Variants in TMIGD3 observed in about 807,000 individuals in gnomAD.
TMIGD3 encodes transmembrane and immunoglobulin domain containing 3.
Under a neutral mutation model 28.1 loss-of-function variants are expected in TMIGD3, and 21 were observed. That is an observed-to-expected ratio of 0.75 (90% CI 0.53 to 1.08). The LOEUF is 1.08. Ranked by LOEUF, TMIGD3 falls within the 50% of genes least tolerant of loss-of-function variation. The pLI, the probability that TMIGD3 is intolerant of heterozygous loss-of-function variation, is 0.00. For missense variants in TMIGD3, 416 were observed against 435.6 expected (o/e 0.96, Z 0.40); for synonymous variants, 151 against 162.1 (o/e 0.93, Z 0.52).
intron 1 of TMIGD3, among the ~76,000 whole-genome samples, chr1:111,532,203 C>G (rs1656480245): frequency 6.6e-6 from 1 of 152,154 alleles, no homozygotes; most frequent in East Asian, 1.9e-4. Flanking sequence ...CTTCAAATCT[C>G]CAAAGCTTTC....
chr1:111,509,410 G>A (rs1441744389), intron 1 of TMIGD3, among the ~76,000 whole-genome samples: 3 of 152,198 alleles, frequency 2.0e-5, no homozygotes, highest in African/African-American at 7.2e-5. Context: ...TGGGTGCTCA[G>A]GCCGGGTGTC....
intron 1 of TMIGD3, among the ~76,000 whole-genome samples, chr1:111,540,097 A>G (rs1404687000): frequency 1.3e-5 from 2 of 152,234 alleles, no homozygotes; most frequent in African/African-American, 4.8e-5. Flanking sequence ...AAATAACTTG[A>G]TTACAATTGC....
chr1:111,520,730 A>G (rs749809431), intron 1 of TMIGD3, among the ~76,000 whole-genome samples: 15 of 152,248 alleles, frequency 9.9e-5, no homozygotes, highest in Non-Finnish European at 1.3e-4. Flanking sequence ...ATGGAGTGGA[A>G]TGGATATGTC....
upstream of TMIGD3, among the ~76,000 whole-genome samples, chr1:111,506,477 G>C (rs575583787): frequency 1.3e-5 from 2 of 152,336 alleles, no homozygotes; most frequent in Admixed American, 6.5e-5. Flanking sequence ...GACTCTGCGG[G>C]GTTAAATAAC....
chr1:111,485,982 A>G (rs775803371), intron 4 of TMIGD3, 142 bp from the exon 5 acceptor site: 1 of 627,520 alleles, frequency 1.6e-6, no homozygotes, highest in Non-Finnish European at 2.8e-6. Flanking sequence ...GTATTCCTTT[A>G]GAGTGACCCT....
intron 1 of TMIGD3, chr1:111,500,327 A>C: frequency 6.2e-7 from 1 of 1,614,264 alleles, no homozygotes; most frequent in Non-Finnish European, 8.5e-7. Context: ...TAGATGGCGC[A>C]CATGACAACC....
chr1:111,513,591 T>C (rs948113359), intron 1 of TMIGD3, among the ~76,000 whole-genome samples: 1 of 152,186 alleles, frequency 6.6e-6, no homozygotes, highest in Non-Finnish European at 1.5e-5. Context: ...AAAATCTCAT[T>C]CTGTCCTTGT....
intron 1 of TMIGD3, among the ~76,000 whole-genome samples, chr1:111,496,194 A>G (rs1370708992): frequency 1.3e-5 from 2 of 152,242 alleles, no homozygotes; most frequent in African/African-American, 2.4e-5. Flanking sequence ...AAAAAGAGAC[A>G]TTAAAAAATA....
At chr1:111,560,198 C>T (rs1657673035) in intron 1 of TMIGD3, among the ~76,000 whole-genome samples, 1 of 152,188 alleles carries the variant, frequency 6.6e-6, no homozygotes, top group Admixed American at 6.5e-5. Flanking sequence ...CAAGAGAAGA[C>T]TCCCCACCTA....
At chr1:111,489,453 G>T (rs1459604572) in intron 2 of TMIGD3, 3 of 649,686 alleles carry the variant, frequency 4.6e-6, no homozygotes, top group African/African-American at 2.0e-5. Context: ...CAAATGCCTC[G>T]ATCTTGAACT....
chr1:111,520,782 T>C (rs1340970387), intron 1 of TMIGD3, among the ~76,000 whole-genome samples: 2 of 152,252 alleles, frequency 1.3e-5, no homozygotes, highest in African/African-American at 2.4e-5. Context: ...GTTTCAGTTA[T>C]ATGTTTGTGT....
chr1:111,533,970 G>A (rs1656537145), intron 1 of TMIGD3, among the ~76,000 whole-genome samples: 1 of 152,066 alleles, frequency 6.6e-6, no homozygotes, highest in Non-Finnish European at 1.5e-5. Context: ...CTCTCTATAT[G>A]TCGGTTTCTT....
At chr1:111,500,157 G>A (rs2100976974) in intron 1 of TMIGD3, 1 of 1,614,180 alleles carries the variant, frequency 6.2e-7, no homozygotes, top group South Asian at 1.1e-5. Flanking sequence ...AGATGATGCA[G>A]TTGATGATAG....
chr1:111,520,590 T>C (rs1363749630), intron 1 of TMIGD3, among the ~76,000 whole-genome samples: 1 of 152,234 alleles, frequency 6.6e-6, no homozygotes, highest in African/African-American at 2.4e-5. Context: ...ACTAAGAGAC[T>C]GTTTTGGATG....
chr1:111,500,736 G>A, intron 1 of TMIGD3: 1 of 626,700 alleles, frequency 1.6e-6, no homozygotes, highest in Non-Finnish European at 2.7e-6. Flanking sequence ...AACTCCACTG[G>A]ATACGAAGAC....
At chr1:111,500,343 G>A (rs150852561) in intron 1 of TMIGD3, 1 of 1,614,102 alleles carries the variant, frequency 6.2e-7, no homozygotes, top group Non-Finnish European at 8.5e-7. Flanking sequence ...CAACCAGGGG[G>A]ATGAAAATCC....
chr1:111,490,557 G>A (rs1261313897), intron 2 of TMIGD3, 99 bp downstream of exon 2: 3 of 851,474 alleles, frequency 3.5e-6, no homozygotes, highest in African/African-American at 3.4e-5. Flanking sequence ...GATGGTTCGA[G>A]TTAATAAGCA....
intron 1 of TMIGD3, among the ~76,000 whole-genome samples, chr1:111,496,363 A>G (rs1231588514): frequency 2.0e-5 from 3 of 152,112 alleles, no homozygotes; most frequent in Non-Finnish European, 2.9e-5. Flanking sequence ...ACAGCCTCCA[A>G]TCAAGGCACA....
chr1:111,542,392 G>A, intron 1 of TMIGD3: 1 of 225,686 alleles, frequency 4.4e-6, no homozygotes, highest in Non-Finnish European at 9.4e-6. Flanking sequence ...AGAGCAGGAA[G>A]CTGCCTGAGG....
Sources: allele counts gnomAD v4.1 joint callset (sites outside exome capture counted in the v4.1 genomes callset), GRCh38; gene constraint gnomAD v4.1.1; transcripts MANE v1.5; gene names NCBI Gene and HGNC (gene_info 2026-07-23, HGNC 2026-07-21).